Variants in PPM1G observed in about 807,000 individuals in gnomAD.
PPM1G encodes protein phosphatase 1G.
A neutral mutation model predicts 59.4 loss-of-function variants in PPM1G; 12 were observed. The ratio of observed to expected loss-of-function variants is 0.20; its 90% CI spans 0.13 to 0.33. PPM1G has a LOEUF of 0.33. PPM1G is among the 10% of genes least tolerant of loss of function. The probability of loss-of-function intolerance (pLI) is 1.00; values close to 1 mark genes in which losing one functional copy is unlikely to be tolerated. For missense variants in PPM1G, 392 were observed against 681.3 expected, an observed-to-expected ratio of 0.58 and a Z score of 4.73; for synonymous variants, 245 against 251.9, an observed-to-expected ratio of 0.97 and a Z score of 0.26.
At chr2:27,394,350 T>C (rs1278388339) in intron 1 of PPM1G, among the ~76,000 whole-genome samples, 1 of 152,206 alleles carries the variant, frequency 6.6e-6, no homozygotes, top group Non-Finnish European at 1.5e-5. Flanking sequence ...AAGTGATAGC[T>C]CAGAAGCATC....
intron 1 of PPM1G, among the ~76,000 whole-genome samples, chr2:27,395,609 G>A (rs1266321230): frequency 2.6e-5 from 4 of 152,146 alleles, no homozygotes; most frequent in Admixed American, 2.6e-4. Flanking sequence ...TTGGGAGGCT[G>A]AGGTGGGAGG....
At chr2:27,406,592 T>C (rs1191177710) in intron 1 of PPM1G, among the ~76,000 whole-genome samples, 7 of 152,180 alleles carry the variant, frequency 4.6e-5, no homozygotes, top group Admixed American at 2.0e-4. Flanking sequence ...GTAAGATCTC[T>C]ACACACTAAA....
intron 1 of PPM1G, among the ~76,000 whole-genome samples, chr2:27,405,164 C>T (rs1035009504): frequency 6.7e-6 from 1 of 149,246 alleles, no homozygotes; most frequent in Admixed American, 6.7e-5. Context: ...ACCTCCGCCT[C>T]CCAGGTTCAA....
intron 1 of PPM1G, among the ~76,000 whole-genome samples, chr2:27,397,280 C>G (rs949562243): frequency 1.7e-4 from 25 of 150,874 alleles, no homozygotes; most frequent in African/African-American, 6.2e-4. Flanking sequence ...AAAATTAATA[C>G]CAATGATTCA....
chr2:27,386,443 C>A, intron 2 of PPM1G, 164 bp from the exon 3 acceptor site: 1 of 484,242 alleles, frequency 2.1e-6, no homozygotes, highest in Non-Finnish European at 3.7e-6. Context: ...AAGTTCTGAT[C>A]CAAAAAAATG....
At position 27,388,136 on chromosome 2, in the gene PPM1G, C is replaced by T. The variant is rs563948530; in HGVS notation, c.121-978G>A. Among the ~76,000 whole-genome samples, 4 of 151,900 alleles carry T rather than the reference C, an allele frequency of 2.6e-5. No individual in the cohort carries two copies. The South Asian group carries it at 6.3e-4, about 24-fold the overall frequency. On this transcript the variant is annotated intron_variant, in intron 1 of 9. Coordinates refer to ENST00000344034, the MANE Select transcript of PPM1G (RefSeq NM_177983.3). ...ATAATAAAAAACAGTTGAGGCCAGG[C>T]GTGGTGGCTCACACCTGTAATCCCA...
chr2:27,407,971 T>A (rs1663420253), intron 1 of PPM1G, among the ~76,000 whole-genome samples: 1 of 151,070 alleles, frequency 6.6e-6, no homozygotes, highest in South Asian at 2.1e-4. Flanking sequence ...TGCTCGAACC[T>A]GGGAGGCGGA....
chr2:27,409,207 T>C (rs1663454330), intron 1 of PPM1G, 96 bp downstream of exon 1: 11 of 1,447,136 alleles, frequency 7.6e-6, no homozygotes, highest in Non-Finnish European at 1.0e-5. Context: ...GGCTCCCAAT[T>C]GGGACCCTTC....
In PPM1G at chr2:27,382,842, TGA is replaced by T. The variant is rs1558315807; in HGVS notation, c.1202-239_1202-238del. Among the ~76,000 whole-genome samples the T allele has an allele frequency of 1.7e-3, 258 of 151,614 alleles. No individual in the cohort carries two copies. Among genetic ancestry groups the T allele is most frequent in the African/African-American group, 6.0e-3 (246 of 41,306 alleles). On this transcript the variant is annotated intron_variant, in intron 7 of 9. Coordinates refer to ENST00000344034, the MANE Select transcript of PPM1G (RefSeq NM_177983.3). The surrounding 1 kb of genome is among the most constrained non-coding windows in gnomAD (Gnocchi z 4.2). ...TAAGTCTTTTTTGTTTTTTTTTTTT[TGA>T]GACGGAGTTTCACTCTTGTAGCCCA...
At chr2:27,400,239 T>C (rs1222533246) in intron 1 of PPM1G, among the ~76,000 whole-genome samples, 2 of 151,762 alleles carry the variant, frequency 1.3e-5, no homozygotes, top group South Asian at 2.1e-4. Flanking sequence ...TCTACTAAAA[T>C]ACACACAAAA....
At chr2:27,387,289 G>A in intron 1 of PPM1G, 131 bp from the exon 2 acceptor site, 3 of 647,482 alleles carry the variant, frequency 4.6e-6, no homozygotes, top group South Asian at 1.9e-5. Flanking sequence ...AAAGGAAGAA[G>A]GAATGATAAA....
At position 27,383,964 on chromosome 2, in the gene PPM1G, T is replaced by G. The variant is rs1314796507; in HGVS notation, c.954A>C (p.Glu318Asp). 6.4e-7 allele frequency: 1 copy of G among 1,553,620 alleles called. No homozygotes were observed. Among genetic ancestry groups the G allele is most frequent in the South Asian group, 1.2e-5 (1 of 84,266 alleles). The change falls in exon 6 of 10, where the codon GAA becomes GAC. Residue 318 changes from glutamate (E) to aspartate (D), a missense_variant. This residue lies in a region of PPM1G where 188 missense variants were observed against 248.8 expected (regional missense o/e 0.76). Transcript: ENST00000344034. This position sits in a 1 kb window ranked among gnomAD's most constrained non-coding sequence, Gnocchi z 5.0. ...CTTCCCCACACACCTCCTCTTTGCC[T>G]TCCATCCCTGGCACCATCATCTCTT... Reference protein sequence around the residue: ...EEEEMMVPGMEGKEEPGSDSG... With the variant: ...EEEEMMVPGMDGKEEPGSDSG...
Position 27,383,604 on chromosome 2 carries a change from A to T in PPM1G, c.967-4T>A. ...TTGTACCACTGTCAGAGCCAGGCTT[A>T]AGAGGAAGAAAAGGAGCATCATGGG... On this transcript the variant is annotated splice_region_variant and splice_polypyrimidine_tract_variant and intron_variant, in intron 6 of 9. Transcript: ENST00000344034. The surrounding 1 kb of genome is among the most constrained non-coding windows in gnomAD (Gnocchi z 5.0). 2 of 1,608,558 alleles carry T rather than the reference A, an allele frequency of 1.2e-6. No homozygotes were observed. The highest frequency in any genetic ancestry group is 1.7e-6 in the Non-Finnish European group (2 of 1,177,060).
At chr2:27,399,736 G>A (rs1402827596) in intron 1 of PPM1G, among the ~76,000 whole-genome samples, 1 of 152,210 alleles carries the variant, frequency 6.6e-6, no homozygotes, top group Non-Finnish European at 1.5e-5. Flanking sequence ...GTGGATAAGT[G>A]TAGTGAACAT....
intron 1 of PPM1G, among the ~76,000 whole-genome samples, chr2:27,396,617 C>T (rs993417036): frequency 4.6e-5 from 7 of 151,924 alleles, no homozygotes; most frequent in South Asian, 2.1e-4. Context: ...GAGTTAGAGA[C>T]CAGCCTGGTC....
chr2:27,383,394 G>A lies in PPM1G; in HGVS notation c.1173C>T (p.Asn391=), dbSNP rs1285424298. 2.5e-6 allele frequency: 4 copies of A among 1,614,098 alleles called. No individual in the cohort carries two copies. The highest frequency in any genetic ancestry group is 1.6e-4 in the Middle Eastern group (1 of 6,062). The change falls in exon 7 of 10, where the codon AAC becomes AAT. Residue 391 remains asparagine, a synonymous_variant. Coordinates refer to ENST00000344034, the MANE Select transcript of PPM1G (RefSeq NM_177983.3). This position sits in a 1 kb window ranked among gnomAD's most constrained non-coding sequence, Gnocchi z 5.0. The part of the protein sequence containing the change: ...GGKVTMDGRV[N]GGLNLSRAIG... The stretch of plus-strand genomic sequence containing the variant: ...TGGCTCTGGAGAGGTTGAGGCCCCC[G>A]TTGACTCGCCCATCCATGGTGACCT...
rs1683700885 is a variant in PPM1G at position 27,383,955 on chromosome 2, C to T, written c.963G>A (p.Glu321=). Residue 321 remains glutamate, a synonymous_variant, in exon 6 of 10, where the codon GAG becomes GAA. Coordinates refer to ENST00000344034, the MANE Select transcript of PPM1G (RefSeq NM_177983.3). This position sits in a 1 kb window ranked among gnomAD's most constrained non-coding sequence, Gnocchi z 5.0. Reference sequence around the variant, plus strand: ...ATTGCTCCCCTTCCCCACACACCTCCTCTTTGCCTTCCATCCCTGGCACCA... The same window carrying T: ...ATTGCTCCCCTTCCCCACACACCTCTTCTTTGCCTTCCATCCCTGGCACCA... ...EMMVPGMEGK[E]EPGSDSGTTA... is the part of the protein sequence containing the mutation. The T allele has an allele frequency of 6.4e-7, 1 of 1,552,674 alleles. No individual in the cohort carries two copies. The highest frequency in any genetic ancestry group is 1.2e-5 in the South Asian group (1 of 84,138).
At chr2:27,390,926 C>T (rs1267805281) in intron 1 of PPM1G, among the ~76,000 whole-genome samples, 3 of 151,862 alleles carry the variant, frequency 2.0e-5, no homozygotes, top group Admixed American at 1.3e-4. Flanking sequence ...CGTGAGAACA[C>T]GCAGTATTTG....
chr2:27,402,577 T>G (rs1040517617), intron 1 of PPM1G, among the ~76,000 whole-genome samples: 11 of 151,864 alleles, frequency 7.2e-5, no homozygotes, highest in Non-Finnish European at 1.5e-4. Flanking sequence ...GAGGCCGATG[T>G]GGGTGGATCA....
Sources: allele counts gnomAD v4.1 joint callset (sites outside exome capture counted in the v4.1 genomes callset), GRCh38; gene constraint gnomAD v4.1.1; regional missense constraint gnomAD v4.1.1; non-coding constraint Gnocchi (gnomAD v3.1); transcripts MANE v1.5; gene names NCBI Gene and HGNC (gene_info 2026-07-23, HGNC 2026-07-21).